The following KDM1B variants were observed in gnomAD, a reference collection of about 807,000 sequenced individuals.
KDM1B encodes the protein lysine-specific histone demethylase 2.
A neutral mutation model predicts 107.4 loss-of-function variants in KDM1B; 63 were observed. The ratio of observed to expected loss-of-function variants is 0.59; its 90% CI spans 0.48 to 0.72. The LOEUF (loss-of-function observed/expected upper bound fraction) is 0.72. Among genes scored for constraint, KDM1B ranks in the 30% least tolerant of loss-of-function variants. KDM1B has a pLI of 0.00. For synonymous variants in KDM1B, 363 were observed against 363.9 expected, an observed-to-expected ratio of 1.00 and a Z score of 0.03; for missense variants, 749 against 1,020.8, an observed-to-expected ratio of 0.73 and a Z score of 3.63.
intron 17 of KDM1B, among the ~76,000 whole-genome samples, chr6:18,208,838 T>G (rs1344245812): frequency 1.4e-5 from 2 of 147,194 alleles, no homozygotes; most frequent in Non-Finnish European, 3.0e-5. Context: ...TATTTTTTAG[T>G]AGAGATGGGG....
intron 6 of KDM1B, among the ~76,000 whole-genome samples, chr6:18,167,048 A>G (rs1432098343): frequency 6.6e-6 from 1 of 151,920 alleles, no homozygotes. Context: ...CGATTTTTGT[A>G]ATGTTTAGCT....
chr6:18,177,476 G>T (rs778160175), intron 7 of KDM1B, among the ~76,000 whole-genome samples: 30 of 149,340 alleles, frequency 2.0e-4, no homozygotes, highest in Non-Finnish European at 3.6e-4. Flanking sequence ...TCTGATCTCG[G>T]TTATTTCCTT....
rs1209139297 is a variant in KDM1B, at chr6:18,186,667, A to G, written c.573+857A>G. 1.3e-5 allele frequency among the ~76,000 whole-genome samples: 2 copies of G among 152,178 alleles called. No individual in the cohort carries two copies. The highest frequency in any genetic ancestry group is 3.9e-4 in the East Asian group (2 of 5,194). ...AAGGAAAGAGGGTTAACTGACTCAC[A>G]GTTCTGCATGGCTGGGGAGGCCTCA... is the stretch of plus-strand genomic sequence containing the variant. On this transcript the variant is annotated intron_variant, in intron 8 of 21. Transcript: ENST00000650836. This position sits in a 1 kb window ranked among gnomAD's most constrained non-coding sequence, Gnocchi z 5.6.
At chr6:18,206,120 A>G (rs1788351088) in intron 15 of KDM1B, among the ~76,000 whole-genome samples, 1 of 151,716 alleles carries the variant, frequency 6.6e-6, no homozygotes, top group African/African-American at 2.4e-5. Flanking sequence ...TGAGCATATT[A>G]ACCCCACAGT....
intron 7 of KDM1B, among the ~76,000 whole-genome samples, chr6:18,175,024 A>G (rs6459599): frequency 6.6e-6 from 1 of 152,156 alleles, no homozygotes; most frequent in South Asian, 2.1e-4. Context: ...TGCTGGATCA[A>G]ATGGTAGTTC....
rs1042527019 is a variant in KDM1B, at chr6:18,213,510, TGAG to T, written c.1984-142_1984-140del. 1.9e-5 allele frequency: 12 copies of T among 646,010 alleles called. No individual in the cohort carries two copies. In the African/African-American group the frequency reaches 2.3e-4, roughly 13 times the overall value. The allele number at this position is 646,010 out of a possible 1,614,324, so 40.0% of individuals were successfully genotyped here. A position where few individuals can be genotyped will look rare whatever the true frequency, so the allele number is the denominator to read the frequency against. On this transcript the variant is annotated intron_variant, in intron 18 of 21. Coordinates refer to ENST00000650836, the MANE Select transcript of KDM1B (RefSeq NM_001364614.2). The surrounding 1 kb of genome is among the most constrained non-coding windows in gnomAD (Gnocchi z 5.9). The stretch of plus-strand genomic sequence containing the variant: ...GAGTTCACAGGGGGAAAAAAGGAGG[TGAG>T]GAGAATGGAAAGAGCGGTATTTGGG...
intron 3 of KDM1B, among the ~76,000 whole-genome samples, 168 bp from the exon 4 acceptor site, chr6:18,161,159 T>G (rs1344843274): frequency 1.3e-5 from 2 of 152,206 alleles, no homozygotes; most frequent in African/African-American, 4.8e-5. Flanking sequence ...GTAAATTACT[T>G]GCACAATGCA....
rs117958323 is a variant in KDM1B at position 18,214,575 on chromosome 6, G to C, written c.2110-432G>C. Among the ~76,000 whole-genome samples the C allele has an allele frequency of 1.3e-5, 2 of 152,158 alleles. No homozygotes were observed. The highest frequency in any genetic ancestry group is 6.5e-5 in the Admixed American group (1 of 15,270). On this transcript the variant is annotated intron_variant, in intron 19 of 21. Coordinates refer to ENST00000650836, the MANE Select transcript of KDM1B (RefSeq NM_001364614.2). This position sits in a 1 kb window ranked among gnomAD's most constrained non-coding sequence, Gnocchi z 4.4. ...GAAAATGGACTGGCGAGTGACGTGC[G>C]GATAAGGGACAGCCAGAAATAGTGA...
In KDM1B at chr6:18,203,448, G is replaced by C. The variant is rs1788172374; in HGVS notation, c.1531+1791G>C. On this transcript the variant is annotated intron_variant, in intron 14 of 21. Coordinates refer to ENST00000650836, the MANE Select transcript of KDM1B (RefSeq NM_001364614.2). The surrounding 1 kb of genome is among the most constrained non-coding windows in gnomAD (Gnocchi z 5.5). ...GCCTGTTGGTATCTTAGCTGTCTGA[G>C]ATCTCATCTTACCAGCACAAAGCTG... Among the ~76,000 whole-genome samples, 1 of 152,150 alleles carries C rather than the reference G, an allele frequency of 6.6e-6. No homozygotes were observed. Among genetic ancestry groups the C allele is most frequent in the Non-Finnish European group, 1.5e-5 (1 of 68,032 alleles).
At chr6:18,165,567 A>G (rs770627998) in intron 5 of KDM1B, among the ~76,000 whole-genome samples, 1 of 152,212 alleles carries the variant, frequency 6.6e-6, no homozygotes. Flanking sequence ...TCACGCCTAT[A>G]ATCCCAGCAC....
Position 18,222,419 on chromosome 6 carries a change from T to TATC in KDM1B, c.*429_*431dup. 1 of 309,492 alleles carries TATC rather than the reference T, an allele frequency of 3.2e-6. No homozygotes were observed. Among genetic ancestry groups the TATC allele is most frequent in the Non-Finnish European group, 6.3e-6 (1 of 158,614 alleles). 19.2% of individuals were successfully genotyped at this position (309,492 alleles called of 1,614,324 possible). A position where few individuals can be genotyped will look rare whatever the true frequency, so the allele number is the denominator to read the frequency against. On this transcript the variant is annotated 3_prime_UTR_variant, in exon 22 of 22. Coordinates refer to ENST00000650836, the MANE Select transcript of KDM1B (RefSeq NM_001364614.2). ...GCCATGTTTTTCTTCTGTGACAATT[T>TATC]ATCAGTATCTTTACCAATGAGCCTT...
intron 10 of KDM1B, among the ~76,000 whole-genome samples, chr6:18,195,044 T>C (rs561993191): frequency 6.6e-6 from 1 of 152,376 alleles, no homozygotes; most frequent in East Asian, 1.9e-4. Context: ...GCATATAATA[T>C]GTGGCCTTTT....
chr6:18,185,897 A>G, intron 8 of KDM1B, 87 bp downstream of exon 8: 1 of 1,269,412 alleles, frequency 7.9e-7, no homozygotes. Flanking sequence ...AGCTTCATGA[A>G]TTTCTTTCTC....
chr6:18,189,625 A>C (rs540931766), intron 9 of KDM1B, among the ~76,000 whole-genome samples: 30 of 152,360 alleles, frequency 2.0e-4, no homozygotes, highest in African/African-American at 6.5e-4. Context: ...GAAAGTATTC[A>C]TGGTATTGTA....
chr6:18,188,780 A>ATTT (rs55767862), intron 9 of KDM1B, among the ~76,000 whole-genome samples: 1 of 139,410 alleles, frequency 7.2e-6, no homozygotes. Context: ...CAGCTGGTTA[A>ATTT]TTTTTTTTTT....
chr6:18,214,231 G>T lies in KDM1B; in HGVS notation c.2109+450G>T. 6.6e-6 allele frequency among the ~76,000 whole-genome samples: 1 copy of T among 152,126 alleles called. No individual in the cohort carries two copies. The highest frequency in any genetic ancestry group is 1.9e-4 in the East Asian group (1 of 5,198). ...AATGGCATACCCAGAGCTGGACGGGGGTGGTCACTTTCTCTGCCGTCATGT... is the reference window on the plus strand; with the variant it reads ...AATGGCATACCCAGAGCTGGACGGGTGTGGTCACTTTCTCTGCCGTCATGT... On this transcript the variant is annotated intron_variant, in intron 19 of 21. Transcript: ENST00000650836. The surrounding 1 kb of genome is among the most constrained non-coding windows in gnomAD (Gnocchi z 4.4).
chr6:18,178,536 G>A (rs923450577), intron 7 of KDM1B, among the ~76,000 whole-genome samples: 5 of 151,890 alleles, frequency 3.3e-5, no homozygotes, highest in African/African-American at 1.2e-4. Flanking sequence ...GGGACTACAG[G>A]CACACATCAC....
chr6:18,188,143 G>C, intron 9 of KDM1B, 141 bp downstream of exon 9: 2 of 743,366 alleles, frequency 2.7e-6, no homozygotes, highest in Non-Finnish European at 4.4e-6. Flanking sequence ...CCAGCACTTT[G>C]GGTGGCCGAG....
rs1276011495 is a variant in KDM1B, at chr6:18,212,886, C to G, written c.1983+282C>G. ...ATTCTTTTATCCCCTTTTTTCCCCC[C>G]TTCTGCTTTCTTTCTTGTCTGCTTT... On this transcript the variant is annotated intron_variant, in intron 18 of 21. Transcript: ENST00000650836. This position sits in a 1 kb window ranked among gnomAD's most constrained non-coding sequence, Gnocchi z 5.2. Among the ~76,000 whole-genome samples the G allele has an allele frequency of 1.3e-5, 2 of 151,962 alleles. No individual in the cohort carries two copies. Among genetic ancestry groups the G allele is most frequent in the Non-Finnish European group, 2.9e-5 (2 of 67,968 alleles).
Sources: gnomAD v4.1 joint callset for allele counts (sites outside exome capture counted in the v4.1 genomes callset) on GRCh38, gnomAD v4.1.1 for gene constraint, Gnocchi (gnomAD v3.1) non-coding constraint, MANE v1.5 for transcripts, NCBI Gene and HGNC (gene_info 2026-07-23, HGNC 2026-07-21) for gene names.